The following CHST11 variants were observed in gnomAD, a reference collection of about 807,000 sequenced individuals.
CHST11 encodes C4S-1.
CHST11 carries 9 observed loss-of-function variants against 30.4 expected under a neutral mutation model. The observed-to-expected ratio is 0.30, with a 90% confidence interval of 0.18 to 0.52. CHST11 has a LOEUF of 0.52. CHST11 is among the 20% of genes least tolerant of loss of function. CHST11 has a pLI of 0.97. For synonymous variants in CHST11, 152 were observed against 187.8 expected (o/e 0.81, Z 1.56); for missense variants, 348 against 460.6 (o/e 0.76, Z 2.24).
intron 2 of CHST11, among the ~76,000 whole-genome samples, chr12:104,713,978 G>A (rs1420175265): frequency 6.6e-6 from 1 of 152,200 alleles, no homozygotes; most frequent in Non-Finnish European, 1.5e-5. Context: ...GAAGCAGCTT[G>A]AGCAGCCTCC....
intron 2 of CHST11, among the ~76,000 whole-genome samples, chr12:104,734,429 A>G (rs2040282540): frequency 6.6e-6 from 1 of 152,142 alleles, no homozygotes; most frequent in Admixed American, 6.5e-5. Context: ...GGCCCGTTGT[A>G]TAGTTGCAGA....
At chr12:104,554,527 C>G (rs551495383) in intron 1 of CHST11, among the ~76,000 whole-genome samples, 1 of 152,272 alleles carries the variant, frequency 6.6e-6, no homozygotes, top group African/African-American at 2.4e-5. Flanking sequence ...GCTTCCATTT[C>G]CCCAGCTGCG....
At chr12:104,720,536 C>T (rs1459827456) in intron 2 of CHST11, among the ~76,000 whole-genome samples, 1 of 152,166 alleles carries the variant, frequency 6.6e-6, no homozygotes, top group Non-Finnish European at 1.5e-5. Flanking sequence ...CTCCCGGGGT[C>T]TCCCCAGGAC....
At chr12:104,685,572 T>C (rs2039838872) in intron 2 of CHST11, among the ~76,000 whole-genome samples, 1 of 152,254 alleles carries the variant, frequency 6.6e-6, no homozygotes, top group Non-Finnish European at 1.5e-5. Flanking sequence ...CTCAGCCTAG[T>C]TGAGCTCCAT....
In CHST11 at chr12:104,522,668, G is replaced by A. The variant is rs563096469; in HGVS notation, c.118+65139G>A. ...TATTTTTGTAGACGTGGCGGGTGGAGGGCTGGTCTTGCTATGTTGCTTGGG... is the reference window on the plus strand; with the variant it reads ...TATTTTTGTAGACGTGGCGGGTGGAAGGCTGGTCTTGCTATGTTGCTTGGG... On this transcript the variant is annotated intron_variant, in intron 1 of 2. Coordinates refer to ENST00000303694, the MANE Select transcript of CHST11 (RefSeq NM_018413.6). 1.1e-4 allele frequency among the ~76,000 whole-genome samples: 17 copies of A among 151,798 alleles called. No individual in the cohort carries two copies. In the South Asian group the frequency reaches 1.9e-3, roughly 17 times the overall value.
At chr12:104,728,662 C>G (rs571414504) in intron 2 of CHST11, among the ~76,000 whole-genome samples, 2 of 152,220 alleles carry the variant, frequency 1.3e-5, no homozygotes, top group South Asian at 4.2e-4. Flanking sequence ...CACTGGGGAC[C>G]CTTGAAGTCC....
chr12:104,572,970 G>A (rs200439960), intron 1 of CHST11, among the ~76,000 whole-genome samples: 10 of 152,124 alleles, frequency 6.6e-5, no homozygotes, highest in South Asian at 4.1e-4. Flanking sequence ...AAACCCCATC[G>A]TCTCAGCCCA....
chr12:104,504,520 G>A (rs1002851692), intron 1 of CHST11, among the ~76,000 whole-genome samples: 32 of 152,220 alleles, frequency 2.1e-4, no homozygotes, highest in African/African-American at 7.7e-4. Context: ...TTCAAAGTAA[G>A]CTGTAAGTGA....
chr12:104,737,184 A>G (rs144233719), intron 2 of CHST11, among the ~76,000 whole-genome samples: 1 of 152,358 alleles, frequency 6.6e-6, no homozygotes, highest in East Asian at 1.9e-4. Context: ...GCTTCCCTGT[A>G]CCCAGAAGCC....
intron 2 of CHST11, among the ~76,000 whole-genome samples, chr12:104,635,850 A>G (rs1169700846): frequency 2.0e-5 from 3 of 152,204 alleles, no homozygotes; most frequent in Non-Finnish European, 4.4e-5. Flanking sequence ...ATGTACAACT[A>G]TTATGTATCC....
At chr12:104,496,698 C>G (rs1459749424) in intron 1 of CHST11, among the ~76,000 whole-genome samples, 1 of 151,900 alleles carries the variant, frequency 6.6e-6, no homozygotes, top group Non-Finnish European at 1.5e-5. Context: ...AAGTCTCTGT[C>G]AAGAGCTCAA....
At chr12:104,556,721 C>T (rs999174178) in intron 1 of CHST11, among the ~76,000 whole-genome samples, 1 of 152,144 alleles carries the variant, frequency 6.6e-6, no homozygotes, top group Non-Finnish European at 1.5e-5. Context: ...TGGCTCACGC[C>T]TGTAATCCCA....
chr12:104,581,901 T>C (rs1465234591), intron 1 of CHST11, among the ~76,000 whole-genome samples: 1 of 152,030 alleles, frequency 6.6e-6, no homozygotes, highest in African/African-American at 2.4e-5. Context: ...TGTAGCAAAC[T>C]AAAAGAAAAA....
At chr12:104,655,548 T>G (rs1290770100) in intron 2 of CHST11, among the ~76,000 whole-genome samples, 1 of 152,182 alleles carries the variant, frequency 6.6e-6, no homozygotes, top group Non-Finnish European at 1.5e-5. Context: ...ACAGCCTCCT[T>G]GCTTTTCATG....
chr12:104,670,091 AAG>A (rs1033655728), intron 2 of CHST11, among the ~76,000 whole-genome samples: 1 of 152,242 alleles, frequency 6.6e-6, no homozygotes, highest in Non-Finnish European at 1.5e-5. Context: ...GAAGCTTGCC[AAG>A]AGAGTCAGAA....
chr12:104,586,021 G>A (rs541411925), intron 1 of CHST11, among the ~76,000 whole-genome samples: 5 of 152,202 alleles, frequency 3.3e-5, no homozygotes, highest in Non-Finnish European at 5.9e-5. Context: ...CTCTATTTCC[G>A]GAGGTCACCT....
At chr12:104,473,706 C>A (rs552705976) in intron 1 of CHST11, among the ~76,000 whole-genome samples, 35 of 152,172 alleles carry the variant, frequency 2.3e-4, no homozygotes, top group African/African-American at 7.5e-4. Context: ...TTGTAGAGCT[C>A]ATACACAATG....
intron 2 of CHST11, among the ~76,000 whole-genome samples, chr12:104,664,155 C>G (rs544209528): frequency 6.6e-6 from 1 of 152,254 alleles, no homozygotes; most frequent in Non-Finnish European, 1.5e-5. Context: ...CTATAAACCG[C>G]GAAATGCTGA....
chr12:104,589,327 GAAGGCA>G (rs2136038180), intron 1 of CHST11, among the ~76,000 whole-genome samples: 1 of 151,594 alleles, frequency 6.6e-6, no homozygotes, highest in Non-Finnish European at 1.5e-5. Flanking sequence ...CTTGAGACTG[GAAGGCA>G]GAGGTTGCAG....
Sources: gnomAD v4.1 joint callset for allele counts (sites outside exome capture counted in the v4.1 genomes callset) on GRCh38, gnomAD v4.1.1 for gene constraint, MANE v1.5 for transcripts, NCBI Gene and HGNC (gene_info 2026-07-23, HGNC 2026-07-21) for gene names.